The following LSAMP variants were observed in gnomAD, a reference collection of about 807,000 sequenced individuals.
LSAMP encodes limbic system-associated membrane protein.
A neutral mutation model predicts 38.6 loss-of-function variants in LSAMP; 7 were observed. The ratio of observed to expected loss-of-function variants is 0.18; its 90% CI spans 0.10 to 0.34. LSAMP has a LOEUF of 0.34. LSAMP is among the 10% of genes least tolerant of loss of function. The probability of loss-of-function intolerance (pLI) is 1.00; values close to 1 mark genes in which losing one functional copy is unlikely to be tolerated. For missense variants in LSAMP, 313 were observed against 420.0 expected, an observed-to-expected ratio of 0.75 and a Z score of 2.23; for synonymous variants, 154 against 166.8, an observed-to-expected ratio of 0.92 and a Z score of 0.59.
chr3:115,879,834 T>C (rs1484325209), intron 3 of LSAMP, among the ~76,000 whole-genome samples: 1 of 152,144 alleles, frequency 6.6e-6, no homozygotes, highest in African/African-American at 2.4e-5. Flanking sequence ...AATATAGCCT[T>C]CCTTTTCAGG....
chr3:116,184,071 G>C (rs1710552914), intron 1 of LSAMP, among the ~76,000 whole-genome samples: 1 of 151,784 alleles, frequency 6.6e-6, no homozygotes, highest in Non-Finnish European at 1.5e-5. Flanking sequence ...GAACTCGAGA[G>C]AACAGAAAGT....
chr3:116,084,276 C>T (rs1707937992), intron 2 of LSAMP, among the ~76,000 whole-genome samples: 1 of 151,740 alleles, frequency 6.6e-6, no homozygotes, highest in African/African-American at 2.4e-5. Context: ...CAGGAAGGTA[C>T]ATGCAGTATC....
At chr3:116,090,223 A>T (rs1197005862) in intron 1 of LSAMP, among the ~76,000 whole-genome samples, 1 of 151,970 alleles carries the variant, frequency 6.6e-6, no homozygotes, top group Non-Finnish European at 1.5e-5. Context: ...AAAAAAAAAA[A>T]AAGAAAGAGA....
At position 115,817,020 on chromosome 3, in the gene LSAMP, G is replaced by T. The variant is rs148606678; in HGVS notation, c.920-6606C>A. 2.0e-3 allele frequency among the ~76,000 whole-genome samples: 308 copies of T among 152,304 alleles called. 1 individual carries two copies. The highest frequency in any genetic ancestry group is 4.5e-3 in the Admixed American group (69 of 15,298). ...AACCTCGTCCTACCATTTTGCCCTG[G>T]TTTATTCCACTCAAGCCAACTGGCT... On this transcript the variant is annotated intron_variant, in intron 6 of 6. Coordinates refer to ENST00000490035, the MANE Select transcript of LSAMP (RefSeq NM_002338.5).
intron 1 of LSAMP, among the ~76,000 whole-genome samples, chr3:116,348,127 C>T (rs1264646852): frequency 6.6e-6 from 1 of 151,936 alleles, no homozygotes; most frequent in Non-Finnish European, 1.5e-5. Flanking sequence ...ACTATACAGT[C>T]ACCCTAAGGA....
chr3:116,333,787 G>A (rs72950155), intron 1 of LSAMP, among the ~76,000 whole-genome samples: 92 of 150,796 alleles, frequency 6.1e-4, no homozygotes, highest in African/African-American at 2.2e-3. Context: ...TTTATGCTAC[G>A]AACACTTAAA....
At chr3:116,263,716 C>G (rs2046859878) in intron 1 of LSAMP, among the ~76,000 whole-genome samples, 2 of 151,768 alleles carry the variant, frequency 1.3e-5, no homozygotes. Context: ...GATAAATGAC[C>G]TTGCATTTGT....
At chr3:116,107,275 G>A (rs1708489560) in intron 1 of LSAMP, among the ~76,000 whole-genome samples, 1 of 152,186 alleles carries the variant, frequency 6.6e-6, no homozygotes, top group Admixed American at 6.5e-5. Context: ...GAGCCGGGGA[G>A]CAGAAAAGTA....
chr3:116,145,955 A>G (rs534639615), intron 1 of LSAMP, among the ~76,000 whole-genome samples: 1 of 151,966 alleles, frequency 6.6e-6, no homozygotes, highest in African/African-American at 2.4e-5. Context: ...ATAATCACTT[A>G]GTATTTATAA....
rs138283925 is a variant in LSAMP, at chr3:115,805,177, T to C, written c.*5140A>G. On this transcript the variant is annotated 3_prime_UTR_variant, in exon 7 of 7. Transcript: ENST00000490035. ...AACCTTTCCCTCTATTTCCCTTGCT[T>C]TGGGGTCGGGTGAGACAACTACAGC... 23 of 152,266 alleles carry C rather than the reference T, an allele frequency of 1.5e-4. No homozygotes were observed. The highest frequency in any genetic ancestry group is 4.8e-4 in the African/African-American group (20 of 41,560). 9.4% of individuals were successfully genotyped at this position (152,266 alleles called of 1,614,324 possible).
At chr3:115,813,565 A>G (rs757144223) in intron 6 of LSAMP, among the ~76,000 whole-genome samples, 23 of 152,080 alleles carry the variant, frequency 1.5e-4, no homozygotes, top group Non-Finnish European at 2.8e-4. Flanking sequence ...ATCAATTATT[A>G]TTTATTAAGT....
intron 1 of LSAMP, among the ~76,000 whole-genome samples, chr3:116,421,000 G>A (rs2049115469): frequency 1.3e-5 from 2 of 152,106 alleles, no homozygotes; most frequent in African/African-American, 2.4e-5. Flanking sequence ...TATAAATTTA[G>A]AACCTGCCTC....
intron 3 of LSAMP, among the ~76,000 whole-genome samples, chr3:115,997,454 G>A (rs1339151085): frequency 5.9e-5 from 9 of 151,872 alleles, no homozygotes; most frequent in Non-Finnish European, 1.2e-4. Context: ...AGGGGTGTGT[G>A]TGAGCTAAGG....
intron 1 of LSAMP, among the ~76,000 whole-genome samples, chr3:116,212,425 T>A (rs529879139): frequency 6.6e-6 from 1 of 152,266 alleles, no homozygotes; most frequent in African/African-American, 2.4e-5. Flanking sequence ...GAGAAGAAAG[T>A]CATTGAGAAA....
At chr3:116,331,182 G>A (rs1429672393) in intron 1 of LSAMP, among the ~76,000 whole-genome samples, 1 of 152,062 alleles carries the variant, frequency 6.6e-6, no homozygotes, top group African/African-American at 2.4e-5. Flanking sequence ...AGTTGAAGAT[G>A]GGAAAATAGA....
In LSAMP at chr3:116,317,557, G is replaced by A. The variant is rs544379997; in HGVS notation, c.155+127320C>T. ...TTTTCAGTAGAGACGGAGTTTCACC[G>A]TGTTAGCTAGGATAGTCTTGATCTC... On this transcript the variant is annotated intron_variant, in intron 1 of 6. Transcript: ENST00000490035. Among the ~76,000 whole-genome samples the A allele has an allele frequency of 1.7e-3, 256 of 151,598 alleles. 2 individuals are homozygous for A. Among genetic ancestry groups the A allele is most frequent in the African/African-American group, 5.5e-3 (227 of 41,436 alleles).
At chr3:116,252,565 G>T (rs972264068) in intron 1 of LSAMP, among the ~76,000 whole-genome samples, 2 of 152,132 alleles carry the variant, frequency 1.3e-5, no homozygotes, top group Non-Finnish European at 2.9e-5. Flanking sequence ...CGTGATGATG[G>T]GTGGTTCATT....
chr3:116,034,470 C>A (rs562954716), intron 2 of LSAMP, among the ~76,000 whole-genome samples: 1 of 151,976 alleles, frequency 6.6e-6, no homozygotes, highest in South Asian at 2.1e-4. Flanking sequence ...CCCCCAGAGA[C>A]TTTGGACATA....
chr3:116,359,574 TTTTTA>T (rs1477879410), intron 1 of LSAMP, among the ~76,000 whole-genome samples: 2 of 152,022 alleles, frequency 1.3e-5, no homozygotes, highest in Non-Finnish European at 2.9e-5. Flanking sequence ...AAACTTTTTA[TTTTTA>T]TTTTATTTTT....
Sources: gnomAD v4.1 joint callset for allele counts (sites outside exome capture counted in the v4.1 genomes callset) on GRCh38, gnomAD v4.1.1 for gene constraint, MANE v1.5 for transcripts, NCBI Gene and HGNC (gene_info 2026-07-23, HGNC 2026-07-21) for gene names.